The following ATP11A variants were observed in gnomAD, a reference collection of about 807,000 sequenced individuals.
ATP11A encodes phospholipid-transporting ATPase IH.
ATP11A carries 81 observed loss-of-function variants against 154.4 expected under a neutral mutation model. The observed-to-expected ratio is 0.52, with a 90% CI of 0.44 to 0.63. The LOEUF (loss-of-function observed/expected upper bound fraction) is 0.63. Ranked by LOEUF, ATP11A falls within the 30% of genes least tolerant of loss-of-function variation. The probability of loss-of-function intolerance (pLI) is 0.00; values close to 1 mark genes in which losing one functional copy is unlikely to be tolerated. For synonymous variants in ATP11A, 623 were observed against 585.9 expected, an observed-to-expected ratio of 1.06 and a Z score of -0.91; for missense variants, 1,316 against 1,474.3, an observed-to-expected ratio of 0.89 and a Z score of 1.76.
At chr13:112,736,966 G>T (rs1286635623) in intron 1 of ATP11A, among the ~76,000 whole-genome samples, 1 of 152,114 alleles carries the variant, frequency 6.6e-6, no homozygotes, top group East Asian at 1.9e-4. Context: ...TCTGGTGGGA[G>T]CATTCAAAAC....
chr13:112,756,748 G>A (rs1437593233), intron 1 of ATP11A, among the ~76,000 whole-genome samples: 1 of 152,192 alleles, frequency 6.6e-6, no homozygotes, highest in Non-Finnish European at 1.5e-5. Context: ...AGGGCAGCCT[G>A]TGTGGTGTCT....
chr13:112,836,245 G>A lies in ATP11A; in HGVS notation c.1699G>A (p.Ala567Thr). 1 of 1,603,560 alleles carries A rather than the reference G, an allele frequency of 6.2e-7. No individual in the cohort carries two copies. Residue 567 changes from alanine (A) to threonine (T), a missense_variant, in exon 16 of 30, where the codon GCT (alanine) becomes ACT (threonine). Coordinates refer to ENST00000375645, the MANE Select transcript of ATP11A (RefSeq NM_015205.3). ...GAGAATGAGTGTAATTGTAAAATCTGCTACAGGTAAAATTTCTTTTTCTTT... is the reference window on the plus strand; with the variant it reads ...GAGAATGAGTGTAATTGTAAAATCTACTACAGGTAAAATTTCTTTTTCTTT... ...RRRMSVIVKS[A>T]TGEIYLFCKG...
chr13:112,819,756 A>G, intron 7 of ATP11A, 144 bp from the exon 8 acceptor site: 1 of 779,250 alleles, frequency 1.3e-6, no homozygotes. Flanking sequence ...CGACAAGGGA[A>G]GGGGCTGGAG....
In ATP11A at chr13:112,844,532, C is replaced by T. The variant is rs544715527; in HGVS notation, c.1809+2153C>T. Among the ~76,000 whole-genome samples, 8 of 152,298 alleles carry T rather than the reference C, an allele frequency of 5.3e-5. No individual in the cohort carries two copies. In the South Asian group the frequency reaches 1.7e-3, roughly 32 times the overall value. ...CGCTGGAGACCACCGCTCCACTCGC[C>T]GTCACTGCAGATTCGTGCCCACCTT... On this transcript the variant is annotated intron_variant, in intron 17 of 29. Coordinates refer to ENST00000375645, the MANE Select transcript of ATP11A (RefSeq NM_015205.3).
chr13:112,839,417 T>G (rs2079331842), intron 16 of ATP11A, among the ~76,000 whole-genome samples: 1 of 152,030 alleles, frequency 6.6e-6, no homozygotes, highest in Non-Finnish European at 1.5e-5. Context: ...TCGGGGACAT[T>G]TGCTGTCACG....
chr13:112,836,632 C>G lies in ATP11A; in HGVS notation c.1705+381C>G, dbSNP rs191790618. 2.2e-3 allele frequency among the ~76,000 whole-genome samples: 338 copies of G among 152,308 alleles called. 1 individual carries two copies. Among genetic ancestry groups the G allele is most frequent in the Non-Finnish European group, 4.0e-3 (269 of 68,024 alleles). The stretch of plus-strand genomic sequence containing the variant: ...TAAAATGTTTTTAAATAACCATTTT[C>G]AAGGAAAAGGTAATGTGGGTTTGCA... On this transcript the variant is annotated intron_variant, in intron 16 of 29. Transcript: ENST00000375645.
At chr13:112,806,957 C>T (rs534125556) in intron 4 of ATP11A, among the ~76,000 whole-genome samples, 2 of 152,324 alleles carry the variant, frequency 1.3e-5, no homozygotes, top group East Asian at 3.9e-4. Context: ...TCTGAGCAGG[C>T]GTCAGCGCTT....
At chr13:112,805,614 T>G (rs985316908) in intron 3 of ATP11A, among the ~76,000 whole-genome samples, 1 of 145,830 alleles carries the variant, frequency 6.9e-6, no homozygotes, top group African/African-American at 2.6e-5. Flanking sequence ...AGTGGGAGGT[T>G]GCAGTGAGCT....
At chr13:112,778,927 TGAGTAGCCGCTGGAGTGAG>T in intron 1 of ATP11A, among the ~76,000 whole-genome samples, 1 of 83,614 alleles carries the variant, frequency 1.2e-5, no homozygotes, top group African/African-American at 5.2e-5. Flanking sequence ...GCCGCTGGAG[TGAGTAGCCGCTGGAGTGAG>T]GAGTAGCCGC....
chr13:112,799,808 A>G (rs1566498169), intron 2 of ATP11A, among the ~76,000 whole-genome samples: 1 of 152,222 alleles, frequency 6.6e-6, no homozygotes. Flanking sequence ...ACACCTTAGC[A>G]CCTTTTCAAA....
At position 112,690,586 on chromosome 13, in the gene ATP11A, C is replaced by T. The variant is rs1885038161; in HGVS notation, c.39+131C>T. The stretch of plus-strand genomic sequence containing the variant: ...CTCCGATGTCTGGGACTCGGACCGC[C>T]CCCGGGGACGAGCGGGATGCTGGGG... On this transcript the variant is annotated intron_variant, in intron 1 of 29. Coordinates refer to ENST00000375645, the MANE Select transcript of ATP11A (RefSeq NM_015205.3). The surrounding 1 kb of genome is among the most constrained non-coding windows in gnomAD (Gnocchi z 5.6). 4 of 865,354 alleles carry T rather than the reference C, an allele frequency of 4.6e-6. No homozygotes were observed. Among genetic ancestry groups the T allele is most frequent in the Non-Finnish European group, 6.1e-6 (4 of 658,040 alleles). 53.6% of individuals were successfully genotyped at this position (865,354 alleles called of 1,614,324 possible).
intron 20 of ATP11A, 32 bp downstream of exon 20, chr13:112,856,117 T>C (rs550048728): frequency 3.1e-6 from 5 of 1,593,934 alleles, no homozygotes; most frequent in East Asian, 2.2e-5. Flanking sequence ...TAGCTGGTGG[T>C]CAGGGCGTCC....
At chr13:112,755,351 T>G (rs1207840613) in intron 1 of ATP11A, among the ~76,000 whole-genome samples, 3 of 152,116 alleles carry the variant, frequency 2.0e-5, no homozygotes, top group African/African-American at 4.8e-5. Context: ...TCTGCCCAGC[T>G]TGGACAGTCT....
chr13:112,721,921 C>T (rs1177866077), intron 1 of ATP11A, among the ~76,000 whole-genome samples: 1 of 152,226 alleles, frequency 6.6e-6, no homozygotes, highest in Non-Finnish European at 1.5e-5. Flanking sequence ...GCGCCAAGTG[C>T]AGGCCGTGGC....
intron 1 of ATP11A, among the ~76,000 whole-genome samples, chr13:112,720,414 G>A (rs1426667510): frequency 6.6e-6 from 1 of 152,238 alleles, no homozygotes; most frequent in Non-Finnish European, 1.5e-5. Context: ...ACCCACGCCC[G>A]ACGCGCAGGG....
At chr13:112,769,052 T>C (rs898098900) in intron 1 of ATP11A, among the ~76,000 whole-genome samples, 8 of 151,844 alleles carry the variant, frequency 5.3e-5, no homozygotes, top group African/African-American at 1.9e-4. Context: ...GTGTTTGTGG[T>C]CGGGGGTGGA....
At chr13:112,865,911 C>A (rs966104286) in intron 25 of ATP11A, among the ~76,000 whole-genome samples, 2 of 152,184 alleles carry the variant, frequency 1.3e-5, no homozygotes, top group Non-Finnish European at 2.9e-5. Context: ...AGTTTGTTAC[C>A]TAGTGGTACC....
intron 1 of ATP11A, among the ~76,000 whole-genome samples, chr13:112,762,039 G>A (rs2076975524): frequency 6.6e-6 from 1 of 152,182 alleles, no homozygotes; most frequent in Non-Finnish European, 1.5e-5. Context: ...GACCTCGATG[G>A]AAGATAGAAA....
chr13:112,703,664 G>A (rs1281832839), intron 1 of ATP11A, among the ~76,000 whole-genome samples: 1 of 152,138 alleles, frequency 6.6e-6, no homozygotes. Flanking sequence ...ACCCTTCTTA[G>A]ATGTAACAGA....
Sources: gnomAD v4.1 joint callset for allele counts (sites outside exome capture counted in the v4.1 genomes callset) on GRCh38, gnomAD v4.1.1 for gene constraint, Gnocchi (gnomAD v3.1) non-coding constraint, MANE v1.5 for transcripts, NCBI Gene and HGNC (gene_info 2026-07-23, HGNC 2026-07-21) for gene names.